Variants in SLC30A8 observed in about 807,000 individuals in gnomAD.
The protein encoded by SLC30A8 is solute carrier family 30 member 8.
In SLC30A8, 27 loss-of-function variants were observed where a neutral mutation model predicts 36.9. The ratio of observed to expected loss-of-function variants is 0.73; its 90% confidence interval spans 0.54 to 1.01. The LOEUF (loss-of-function observed/expected upper bound fraction) is 1.01. Among genes scored for constraint, SLC30A8 ranks in the 50% least tolerant of loss-of-function variants. SLC30A8 has a pLI of 0.00. For missense variants in SLC30A8, 439 were observed against 452.0 expected, an observed-to-expected ratio of 0.97 and a Z score of 0.26; for synonymous variants, 164 against 172.4, an observed-to-expected ratio of 0.95 and a Z score of 0.38.
chr8:117,062,685 AGGGCTG>A (rs1818055957), intron 2 of SLC30A8, among the ~76,000 whole-genome samples: 1 of 152,212 alleles, frequency 6.6e-6, no homozygotes, highest in African/African-American at 2.4e-5. Flanking sequence ...GTGTGGCCAT[AGGGCTG>A]GGGTCAGAAG....
At chr8:117,145,408 T>G (rs1015890461) in intron 1 of SLC30A8, among the ~76,000 whole-genome samples, 4 of 152,160 alleles carry the variant, frequency 2.6e-5, no homozygotes, top group African/African-American at 4.8e-5. Flanking sequence ...TATATTATTT[T>G]ATTCAGAAAA....
At chr8:117,074,155 C>T (rs1285446505) in intron 2 of SLC30A8, among the ~76,000 whole-genome samples, 1 of 151,734 alleles carries the variant, frequency 6.6e-6, no homozygotes, top group African/African-American at 2.4e-5. Flanking sequence ...AAGAATGAAA[C>T]GCATGCACGT....
chr8:117,088,360 C>G (rs1818963038), intron 2 of SLC30A8, among the ~76,000 whole-genome samples: 1 of 152,116 alleles, frequency 6.6e-6, no homozygotes, highest in Non-Finnish European at 1.5e-5. Flanking sequence ...AATGCAGATG[C>G]CCAGGTTTCC....
chr8:117,011,953 G>A (rs1268892412), intron 1 of SLC30A8, among the ~76,000 whole-genome samples: 2 of 152,248 alleles, frequency 1.3e-5, no homozygotes, highest in African/African-American at 4.8e-5. Flanking sequence ...TTCACAGTGG[G>A]TAAGTTTTAC....
intron 1 of SLC30A8, among the ~76,000 whole-genome samples, chr8:116,969,974 C>T (rs143865911): frequency 1.3e-5 from 2 of 152,024 alleles, no homozygotes; most frequent in Non-Finnish European, 2.9e-5. Flanking sequence ...TTCTTTGATA[C>T]TAAATTAACC....
chr8:117,016,421 C>T (rs568932044), intron 1 of SLC30A8, among the ~76,000 whole-genome samples: 14 of 152,232 alleles, frequency 9.2e-5, no homozygotes, highest in African/African-American at 2.9e-4. Flanking sequence ...ATCAAGTTAA[C>T]GAAACTGAGC....
intron 1 of SLC30A8, among the ~76,000 whole-genome samples, chr8:117,142,384 A>G (rs976724646): frequency 2.0e-5 from 3 of 152,130 alleles, no homozygotes; most frequent in Non-Finnish European, 4.4e-5. Context: ...CAAAGTGATC[A>G]TTTTAGAAAT....
At chr8:117,167,406 C>T (rs1460615844) in intron 6 of SLC30A8, among the ~76,000 whole-genome samples, 4 of 151,934 alleles carry the variant, frequency 2.6e-5, no homozygotes, top group Non-Finnish European at 5.9e-5. Context: ...TCTTTGACTT[C>T]TCAGTCCTAT....
chr8:117,072,164 T>C (rs988510570), intron 2 of SLC30A8, among the ~76,000 whole-genome samples: 17 of 152,222 alleles, frequency 1.1e-4, no homozygotes, highest in Non-Finnish European at 2.1e-4. Context: ...TCCTGCTAAG[T>C]AGCTGTATGT....
chr8:116,983,765 G>A (rs1815351633), intron 1 of SLC30A8, among the ~76,000 whole-genome samples: 1 of 151,282 alleles, frequency 6.6e-6, no homozygotes, highest in African/African-American at 2.4e-5. Flanking sequence ...TGTTTTAATG[G>A]TAACATCTTG....
chr8:116,993,322 T>C (rs921833893), intron 1 of SLC30A8, among the ~76,000 whole-genome samples: 3 of 151,916 alleles, frequency 2.0e-5, no homozygotes, highest in Admixed American at 2.0e-4. Context: ...AGCACAATAC[T>C]CTACAAGTGT....
Position 116,982,300 on chromosome 8 carries a change from A to C in SLC30A8, c.-266+31181A>C, listed in dbSNP as rs142840740. ...TCTTGTTGCTAACAATGCCACTATGAATATTCATACACAGTAAGTTTTCAC... is the reference window on the plus strand; with the variant it reads ...TCTTGTTGCTAACAATGCCACTATGCATATTCATACACAGTAAGTTTTCAC... On this transcript the variant is annotated intron_variant, in intron 1 of 10. Coordinates refer to the SLC30A8 transcript ENST00000427715. 2.0e-5 allele frequency among the ~76,000 whole-genome samples: 3 copies of C among 152,252 alleles called. No homozygotes were observed. In the East Asian group the frequency reaches 5.8e-4, roughly 29 times the overall value.
chr8:117,092,412 GA>G lies in SLC30A8; in HGVS notation c.-225-42857del, dbSNP rs1052434561. Among the ~76,000 whole-genome samples the G allele has an allele frequency of 3.3e-3, 472 of 144,244 alleles. 2 individuals are homozygous for G. The highest frequency in any genetic ancestry group is 0.012 in the South Asian group (54 of 4,552). The allele number at this position is 144,244 out of a possible 152,430, so 94.6% of individuals were successfully genotyped here. On this transcript the variant is annotated intron_variant, in intron 2 of 10. Transcript: ENST00000427715. Reference sequence around the variant, plus strand: ...TGAGTTAAGAGAGAAGACATGGAAGGAAAAAAAAAAACCCTTTGGATCTTAG... The same window carrying G: ...TGAGTTAAGAGAGAAGACATGGAAGGAAAAAAAAAACCCTTTGGATCTTAG...
chr8:117,113,220 G>A (rs1820306499), intron 2 of SLC30A8, among the ~76,000 whole-genome samples: 1 of 152,168 alleles, frequency 6.6e-6, no homozygotes, highest in Admixed American at 6.6e-5. Context: ...AAGTTTGAGA[G>A]GCAAAGCTCT....
intron 1 of SLC30A8, among the ~76,000 whole-genome samples, chr8:117,142,451 C>T (rs1821697644): frequency 6.6e-6 from 1 of 152,056 alleles, no homozygotes; most frequent in South Asian, 2.1e-4. Context: ...TCCTTTTAGA[C>T]CTTGAATTAA....
intron 1 of SLC30A8, among the ~76,000 whole-genome samples, chr8:117,003,149 A>G (rs1403814824): frequency 6.6e-6 from 1 of 152,216 alleles, no homozygotes; most frequent in Non-Finnish European, 1.5e-5. Flanking sequence ...ATAAAATTCA[A>G]GGTCCACATT....
At chr8:116,993,923 A>T (rs1161797019) in intron 1 of SLC30A8, among the ~76,000 whole-genome samples, 1 of 151,996 alleles carries the variant, frequency 6.6e-6, no homozygotes, top group Admixed American at 6.6e-5. Context: ...TTTAATAGAA[A>T]ATCTTTTGAA....
In SLC30A8 at chr8:117,163,431, T is replaced by C. The variant is rs764354742; in HGVS notation, c.730T>C (p.Tyr244His). Residue 244 changes from tyrosine to histidine, a missense_variant, in exon 6 of 8, where the codon TAT becomes CAT. Tyr to His is a moderately conservative substitution (Grantham distance 83). Transcript: ENST00000456015. Reference protein sequence around the residue: ...SALIIYFKPEYKIADPICTFI... With the variant: ...SALIIYFKPEHKIADPICTFI... ...TCCCTGTTTTTTTTTCTAGCCAGAG[T>C]ATAAAATAGCCGACCCAATCTGCAC... is the stretch of plus-strand genomic sequence containing the variant. 6.2e-7 allele frequency: 1 copy of C among 1,612,880 alleles called. No individual in the cohort carries two copies. The highest frequency in any genetic ancestry group is 1.1e-5 in the South Asian group (1 of 90,956).
intron 1 of SLC30A8, among the ~76,000 whole-genome samples, chr8:117,020,244 T>G (rs1372446210): frequency 6.6e-6 from 1 of 152,114 alleles, no homozygotes; most frequent in African/African-American, 2.4e-5. Context: ...AATTTTTAAA[T>G]AAATGGAAAT....
Sources: allele counts gnomAD v4.1 joint callset (sites outside exome capture counted in the v4.1 genomes callset), GRCh38; gene constraint gnomAD v4.1.1; transcripts MANE v1.5; gene names NCBI Gene and HGNC (gene_info 2026-07-23, HGNC 2026-07-21).